Variants in TBC1D22A observed in about 807,000 individuals in gnomAD.
TBC1D22A encodes putative GTPase activator.
A neutral mutation model predicts 60.2 loss-of-function variants in TBC1D22A; 38 were observed. That is an observed-to-expected ratio of 0.63 (90% CI 0.49 to 0.83). The LOEUF (loss-of-function observed/expected upper bound fraction) is 0.83, where lower values mean the gene tolerates loss of function less well. Among genes scored for constraint, TBC1D22A ranks in the 40% least tolerant of loss-of-function variants. The pLI is 0.00. For synonymous variants in TBC1D22A, 302 were observed against 281.7 expected, an observed-to-expected ratio of 1.07 and a Z score of -0.72; for missense variants, 628 against 701.0, an observed-to-expected ratio of 0.90 and a Z score of 1.18.
chr22:46,809,826 C>T (rs1260418826), intron 4 of TBC1D22A, among the ~76,000 whole-genome samples: 1 of 152,102 alleles, frequency 6.6e-6, no homozygotes, highest in Non-Finnish European at 1.5e-5. Context: ...GTGTGTCCTC[C>T]CCACCCAGAT....
In TBC1D22A at chr22:46,826,103, G is replaced by A. The variant is rs570881091; in HGVS notation, c.637+28483G>A. On this transcript the variant is annotated intron_variant, in intron 4 of 12. Coordinates refer to ENST00000337137, the MANE Select transcript of TBC1D22A (RefSeq NM_014346.5). Reference sequence around the variant, plus strand: ...TCACCGTGTTAGCCATGATGGTCTCGATCTCCTGACCTCGTGATCCGCCCA... The same window carrying A: ...TCACCGTGTTAGCCATGATGGTCTCAATCTCCTGACCTCGTGATCCGCCCA... 1.2e-3 allele frequency among the ~76,000 whole-genome samples: 184 copies of A among 151,902 alleles called. 1 individual carries two copies. The highest frequency in any genetic ancestry group is 4.2e-3 in the African/African-American group (174 of 41,432).
chr22:46,918,402 G>A (rs1456329015), intron 8 of TBC1D22A, among the ~76,000 whole-genome samples: 1 of 152,222 alleles, frequency 6.6e-6, no homozygotes, highest in Non-Finnish European at 1.5e-5. Context: ...AGCCACAGGG[G>A]ACCTGGAGAA....
At chr22:47,070,177 GT>G (rs1217232226) in intron 11 of TBC1D22A, among the ~76,000 whole-genome samples, 1 of 150,776 alleles carries the variant, frequency 6.6e-6, no homozygotes, top group Non-Finnish European at 1.5e-5. Context: ...GGTCCTGGCT[GT>G]TCCCTGTTGT....
At chr22:46,851,927 G>A (rs2087297701) in intron 4 of TBC1D22A, among the ~76,000 whole-genome samples, 1 of 152,218 alleles carries the variant, frequency 6.6e-6, no homozygotes, top group Non-Finnish European at 1.5e-5. Context: ...ATGAGCTGGT[G>A]GCAGCAAGCC....
chr22:46,789,957 C>T lies in TBC1D22A; in HGVS notation c.63-2563C>T, dbSNP rs558555445. On this transcript the variant is annotated intron_variant, in intron 1 of 12. Transcript: ENST00000337137. ...AAGTGTCGTCCCCAAAGTGGAGTCA[C>T]GAGGAAAGGACACAAGAGTGGCTCA... is the stretch of plus-strand genomic sequence containing the variant. Among the ~76,000 whole-genome samples, 4 of 151,128 alleles carry T rather than the reference C, an allele frequency of 2.6e-5. No individual in the cohort carries two copies. The East Asian group carries it at 7.7e-4, about 29-fold the overall frequency.
At chr22:46,984,244 G>A (rs1445499485) in intron 9 of TBC1D22A, among the ~76,000 whole-genome samples, 1 of 151,590 alleles carries the variant, frequency 6.6e-6, no homozygotes, top group East Asian at 1.9e-4. Flanking sequence ...GCGCGCGCCT[G>A]TAATCCCATC....
At chr22:46,820,712 T>G (rs2085789815) in intron 4 of TBC1D22A, among the ~76,000 whole-genome samples, 1 of 152,218 alleles carries the variant, frequency 6.6e-6, no homozygotes, top group Non-Finnish European at 1.5e-5. Flanking sequence ...TCTGTTGATT[T>G]GGAGTTGAGA....
chr22:46,853,319 C>T (rs17834998), intron 4 of TBC1D22A, among the ~76,000 whole-genome samples: 8,856 of 152,262 alleles, frequency 0.058, 370 homozygotes, highest in Non-Finnish European at 0.087. Flanking sequence ...ACCTTGGGAA[C>T]GTTGAAAGCA....
intron 12 of TBC1D22A, among the ~76,000 whole-genome samples, chr22:47,114,561 G>A (rs1414977880): frequency 2.0e-5 from 3 of 152,062 alleles, no homozygotes; most frequent in Admixed American, 1.3e-4. Context: ...TGGTGAGCAC[G>A]GGGAATGTGT....
intron 12 of TBC1D22A, among the ~76,000 whole-genome samples, chr22:47,163,212 C>T (rs544536821): frequency 6.6e-6 from 1 of 151,850 alleles, no homozygotes; most frequent in East Asian, 1.9e-4. Flanking sequence ...CCATGGCCAT[C>T]GAAGGCTTGG....
At chr22:47,140,553 C>CAAAA (rs940877057) in intron 12 of TBC1D22A, among the ~76,000 whole-genome samples, 1 of 69,840 alleles carries the variant, frequency 1.4e-5, no homozygotes, top group Admixed American at 1.6e-4. Context: ...GACTCTGTCT[C>CAAAA]AAAAAAAAAA....
chr22:46,909,881 C>T (rs939695001), intron 7 of TBC1D22A, among the ~76,000 whole-genome samples: 9 of 152,198 alleles, frequency 5.9e-5, no homozygotes, highest in South Asian at 2.1e-4. Context: ...TGGGGCTGCG[C>T]GTTGGTGACT....
chr22:46,893,322 C>T (rs1219020386), intron 6 of TBC1D22A, among the ~76,000 whole-genome samples: 1 of 152,076 alleles, frequency 6.6e-6, no homozygotes, highest in Non-Finnish European at 1.5e-5. Context: ...TCTGATTTGC[C>T]CAGTTCTGTG....
At chr22:46,986,391 A>G (rs1602824157) in intron 9 of TBC1D22A, among the ~76,000 whole-genome samples, 1 of 150,918 alleles carries the variant, frequency 6.6e-6, no homozygotes, top group Non-Finnish European at 1.5e-5. Context: ...TGCTTTTGCC[A>G]CTTCCTACAA....
At chr22:47,008,171 C>T (rs1226940715) in intron 10 of TBC1D22A, among the ~76,000 whole-genome samples, 11 of 152,070 alleles carry the variant, frequency 7.2e-5, no homozygotes, top group South Asian at 6.2e-4. Context: ...TTGAAATGGC[C>T]GTTAAGGACT....
rs142039821 is a variant in TBC1D22A at position 47,121,613 on chromosome 22, C to T, written c.1425+10010C>T. 3.4e-4 allele frequency among the ~76,000 whole-genome samples: 51 copies of T among 152,154 alleles called. No individual in the cohort carries two copies. In the East Asian group the frequency reaches 6.4e-3, roughly 19 times the overall value. ...TGATCCCAGATTTGCTTCTATTCCA[C>T]GCGTGGACAGAAAGACCGAACAGAA... is the stretch of plus-strand genomic sequence containing the variant. On this transcript the variant is annotated intron_variant, in intron 12 of 12. Coordinates refer to ENST00000337137, the MANE Select transcript of TBC1D22A (RefSeq NM_014346.5).
intron 4 of TBC1D22A, among the ~76,000 whole-genome samples, chr22:46,825,887 T>TC (rs1462626228): frequency 2.0e-5 from 3 of 147,184 alleles, no homozygotes; most frequent in Non-Finnish European, 3.0e-5. Context: ...GTGGTCTTCT[T>TC]TTTTTTTTTT....
At chr22:47,005,861 A>G (rs1273940467) in intron 10 of TBC1D22A, among the ~76,000 whole-genome samples, 3 of 149,558 alleles carry the variant, frequency 2.0e-5, no homozygotes, top group African/African-American at 7.5e-5. Context: ...ATGCCTATAC[A>G]GACACCCCCA....
chr22:46,987,837 C>A (rs576172280), intron 9 of TBC1D22A, among the ~76,000 whole-genome samples: 1 of 152,162 alleles, frequency 6.6e-6, no homozygotes. Context: ...GTGGAGTCTT[C>A]TTTTCCTGAA....
Sources: gnomAD v4.1 joint callset for allele counts (sites outside exome capture counted in the v4.1 genomes callset) on GRCh38, gnomAD v4.1.1 for gene constraint, MANE v1.5 for transcripts, NCBI Gene and HGNC (gene_info 2026-07-23, HGNC 2026-07-21) for gene names.